Variants in EYA1 observed in about 807,000 individuals in gnomAD.
The protein encoded by EYA1 is protein phosphatase EYA1.
EYA1 carries 16 observed loss-of-function variants against 82.0 expected under a neutral mutation model. The ratio of observed to expected loss-of-function variants is 0.20; its 90% CI spans 0.13 to 0.30. EYA1 has a LOEUF of 0.30. Among genes scored for constraint, EYA1 ranks in the 10% least tolerant of loss-of-function variants. The pLI, the probability that EYA1 is intolerant of heterozygous loss-of-function variation, is 1.00. For missense variants in EYA1, 633 were observed against 730.7 expected (o/e 0.87, Z 1.54); for synonymous variants, 261 against 264.4 (o/e 0.99, Z 0.12).
At chr8:71,353,452 G>C (rs983708083) in intron 3 of EYA1, among the ~76,000 whole-genome samples, 2 of 152,254 alleles carry the variant, frequency 1.3e-5, no homozygotes, top group East Asian at 3.9e-4. Flanking sequence ...AGAGGAAAAG[G>C]CACCTCATTC....
At chr8:71,383,110 A>G (rs1480592619) in intron 2 of EYA1, among the ~76,000 whole-genome samples, 2 of 149,668 alleles carry the variant, frequency 1.3e-5, no homozygotes, top group Non-Finnish European at 3.0e-5. Context: ...TTTTTGCATT[A>G]CCAATTTATA....
rs116636708 is a variant in EYA1, at chr8:71,274,026, A to G, written c.827-2129T>C. Among the ~76,000 whole-genome samples, 571 of 152,278 alleles carry G rather than the reference A, an allele frequency of 3.7e-3. 4 individuals carry two copies. Among genetic ancestry groups the G allele is most frequent in the African/African-American group, 0.013 (540 of 41,566 alleles). On this transcript the variant is annotated intron_variant, in intron 9 of 17. Transcript: ENST00000340726. ...TAAAATATATTCTGTCTTTATTATT[A>G]TCACTTTTTTTGGAAACAGACTAGC...
intron 2 of EYA1, among the ~76,000 whole-genome samples, chr8:71,432,943 C>T (rs1051302071): frequency 1.1e-4 from 16 of 152,098 alleles, no homozygotes; most frequent in Non-Finnish European, 1.6e-4. Context: ...TTATATTATT[C>T]TTTACTCTGG....
At chr8:71,359,759 ATT>A (rs1827209092) in intron 1 of EYA1, among the ~76,000 whole-genome samples, 1 of 152,136 alleles carries the variant, frequency 6.6e-6, no homozygotes, top group Non-Finnish European at 1.5e-5. Flanking sequence ...CTGAAAAGAA[ATT>A]TTCAAAGTGA....
At chr8:71,413,508 T>C (rs1234196587) in intron 2 of EYA1, among the ~76,000 whole-genome samples, 1 of 152,206 alleles carries the variant, frequency 6.6e-6, no homozygotes, top group Non-Finnish European at 1.5e-5. Flanking sequence ...CATAAACACC[T>C]ACACACAAAA....
At chr8:71,291,198 A>G (rs929520973) in intron 9 of EYA1, among the ~76,000 whole-genome samples, 3 of 152,212 alleles carry the variant, frequency 2.0e-5, no homozygotes, top group African/African-American at 7.2e-5. Flanking sequence ...ATGACAGGGA[A>G]GATAGCCGGG....
At chr8:71,219,819 T>C (rs1291030222) in intron 12 of EYA1, among the ~76,000 whole-genome samples, 1 of 152,194 alleles carries the variant, frequency 6.6e-6, no homozygotes, top group Non-Finnish European at 1.5e-5. Context: ...ATCCTGAAAC[T>C]CAGCCTCTTC....
chr8:71,449,923 T>C (rs567558871), intron 2 of EYA1, among the ~76,000 whole-genome samples: 1 of 152,338 alleles, frequency 6.6e-6, no homozygotes, highest in Admixed American at 6.5e-5. Context: ...CCTACATTTT[T>C]ATGTTAACCT....
At chr8:71,491,318 G>T (rs147829266) in intron 2 of EYA1, among the ~76,000 whole-genome samples, 1 of 152,110 alleles carries the variant, frequency 6.6e-6, no homozygotes, top group Non-Finnish European at 1.5e-5. Context: ...CTGTAGTTAC[G>T]TGCAGGGCCA....
intron 1 of EYA1, among the ~76,000 whole-genome samples, chr8:71,547,142 C>T (rs1433624420): frequency 2.6e-5 from 4 of 152,174 alleles, no homozygotes; most frequent in East Asian, 3.9e-4. Flanking sequence ...TTTTAACTCG[C>T]CTCTTTGACT....
chr8:71,249,972 C>T (rs1813548398), intron 11 of EYA1, among the ~76,000 whole-genome samples: 1 of 152,054 alleles, frequency 6.6e-6, no homozygotes, highest in Non-Finnish European at 1.5e-5. Context: ...AATTTCAACA[C>T]TCTGTCACTC....
intron 2 of EYA1, among the ~76,000 whole-genome samples, chr8:71,478,763 C>T (rs1414693910): frequency 6.6e-6 from 1 of 152,046 alleles, no homozygotes; most frequent in African/African-American, 2.4e-5. Context: ...ATTGAAAGTC[C>T]ACCTCTTCAT....
chr8:71,484,198 G>A (rs1810389456), intron 2 of EYA1, among the ~76,000 whole-genome samples: 3 of 152,138 alleles, frequency 2.0e-5, no homozygotes. Flanking sequence ...GTGTCAGGGG[G>A]GTTTTAAGAG....
intron 2 of EYA1, among the ~76,000 whole-genome samples, chr8:71,421,606 A>G (rs1563597971): frequency 6.6e-6 from 1 of 152,154 alleles, no homozygotes; most frequent in South Asian, 2.1e-4. Context: ...TGTGGATACG[A>G]AAGTCCTAAA....
chr8:71,429,442 G>T (rs1035834346), intron 2 of EYA1, among the ~76,000 whole-genome samples: 1 of 151,920 alleles, frequency 6.6e-6, no homozygotes, highest in African/African-American at 2.4e-5. Context: ...GATAATTTAG[G>T]TCAAATTATA....
chr8:71,358,108 TTCCATTTTAACATTAGC>T (rs796168611), intron 1 of EYA1, among the ~76,000 whole-genome samples: 41 of 152,306 alleles, frequency 2.7e-4, no homozygotes, highest in African/African-American at 9.6e-4. Context: ...TAAAATACAT[TTCCATTTTAACATTAGC>T]TGGAAAGTAC....
At chr8:71,298,968 A>G in intron 9 of EYA1, 79 bp downstream of exon 9, 3 of 1,435,954 alleles carry the variant, frequency 2.1e-6, no homozygotes, top group Non-Finnish European at 2.9e-6. Context: ...CAACCACTGC[A>G]TGAATATATG....
chr8:71,281,451 G>A (rs1217656335), intron 9 of EYA1, among the ~76,000 whole-genome samples: 1 of 152,154 alleles, frequency 6.6e-6, no homozygotes, highest in African/African-American at 2.4e-5. Context: ...GCATCTTTCT[G>A]TTCATTTTCT....
At chr8:71,203,633 C>T (rs1807358256) in intron 17 of EYA1, among the ~76,000 whole-genome samples, 1 of 152,106 alleles carries the variant, frequency 6.6e-6, no homozygotes, top group Non-Finnish European at 1.5e-5. Flanking sequence ...GGTAGCAGCA[C>T]TTGGAATATC....
Sources: allele counts gnomAD v4.1 joint callset (sites outside exome capture counted in the v4.1 genomes callset), GRCh38; gene constraint gnomAD v4.1.1; transcripts MANE v1.5; gene names NCBI Gene and HGNC (gene_info 2026-07-23, HGNC 2026-07-21).